C9orf57: variants seen among roughly 807,000 people sequenced by gnomAD.
C9orf57 encodes uncharacterized protein C9orf57.
C9orf57 carries 12 observed loss-of-function variants against 12.9 expected under a neutral mutation model. The observed-to-expected ratio is 0.93, with a 90% CI of 0.60 to 1.51. The LOEUF (loss-of-function observed/expected upper bound fraction) is 1.51. Ranked by LOEUF, C9orf57 falls within the 40% of genes most tolerant of loss-of-function variation. The probability of loss-of-function intolerance (pLI) is 0.00; values close to 1 mark genes in which losing one functional copy is unlikely to be tolerated. For missense variants in C9orf57, 141 were observed against 162.8 expected (o/e 0.87, Z 0.73); for synonymous variants, 49 against 57.1 (o/e 0.86, Z 0.64).
intron 2 of C9orf57, among the ~76,000 whole-genome samples, chr9:72,058,511 AACTGATC>A (rs1435744162): frequency 1.3e-5 from 2 of 152,140 alleles, no homozygotes; most frequent in African/African-American, 2.4e-5. Context: ...AGTGATAGAG[AACTGATC>A]ACCATTAAAA....
chr9:72,053,016 T>G (rs1824112447), intron 4 of C9orf57, among the ~76,000 whole-genome samples: 1 of 152,192 alleles, frequency 6.6e-6, no homozygotes, highest in Non-Finnish European at 1.5e-5. Context: ...AAGGAGCTAT[T>G]CCCCAAAGAC....
chr9:72,058,401 T>A (rs1824252822), intron 2 of C9orf57, among the ~76,000 whole-genome samples: 1 of 152,166 alleles, frequency 6.6e-6, no homozygotes, highest in South Asian at 2.1e-4. Context: ...GCTCAGGCAA[T>A]CTACCTGCCT....
chr9:72,056,844 C>T lies in C9orf57; in HGVS notation c.98-1G>A. 6.5e-7 allele frequency: 1 copy of T among 1,550,084 alleles called. No homozygotes were observed. Among genetic ancestry groups the T allele is most frequent in the South Asian group, 1.2e-5 (1 of 84,014 alleles). On this transcript the variant is annotated splice_acceptor_variant, in intron 2 of 4. Transcript: ENST00000651200. LOFTEE classifies it high-confidence loss of function. ...GGTTTTGTCTGGCAGGTTCCCAGGTCTAAAAGACATCCATGGAAGGGGATT... is the reference window on the plus strand; with the variant it reads ...GGTTTTGTCTGGCAGGTTCCCAGGTTTAAAAGACATCCATGGAAGGGGATT...
rs1824090818 is a variant in C9orf57, at chr9:72,052,015, T to G, written c.*281A>C. On this transcript the variant is annotated 3_prime_UTR_variant, in exon 5 of 5. Coordinates refer to ENST00000651200, the MANE Select transcript of C9orf57 (RefSeq NM_001128618.2). ...GTTTGACTTGGAGAATCACTAACAT[T>G]TTTCCTTCTTTGTAGCCTTGTGGTA... The G allele has an allele frequency of 6.1e-6, 2 of 329,978 alleles. No individual in the cohort carries two copies. The highest frequency in any genetic ancestry group is 1.1e-5 in the Non-Finnish European group (2 of 180,826). The allele number at this position is 329,978 out of a possible 1,614,324, so 20.4% of individuals were successfully genotyped here.
intron 1 of C9orf57, 95 bp from the exon 2 acceptor site, chr9:72,059,479 A>G: frequency 7.3e-7 from 1 of 1,370,632 alleles, no homozygotes; most frequent in Non-Finnish European, 9.8e-7. Flanking sequence ...CAATATAAAT[A>G]AGTTTATTTT....
intron 4 of C9orf57, among the ~76,000 whole-genome samples, chr9:72,054,074 C>T (rs367714944): frequency 6.6e-4 from 101 of 152,356 alleles, no homozygotes; most frequent in Middle Eastern, 3.4e-3. Context: ...TCTTGGCTCA[C>T]CGCAACCTCC....
intron 2 of C9orf57, among the ~76,000 whole-genome samples, chr9:72,058,170 T>C (rs1317435210): frequency 3.9e-5 from 6 of 151,906 alleles, no homozygotes; most frequent in African/African-American, 1.5e-4. Flanking sequence ...GGATCTTTCT[T>C]TTTTTTTAGA....
chr9:72,060,325 G>A (rs1385335471), intron 1 of C9orf57, among the ~76,000 whole-genome samples, 172 bp downstream of exon 1: 8 of 152,214 alleles, frequency 5.3e-5, no homozygotes, highest in Admixed American at 2.0e-4. Context: ...GATTACAGGC[G>A]TGAGCCACCA....
In C9orf57 at chr9:72,059,431, C is replaced by T. The variant is rs757021467; in HGVS notation, c.-53-47G>A. The T allele has an allele frequency of 1.6e-5, 25 of 1,534,106 alleles. No individual in the cohort carries two copies. In the East Asian group the frequency reaches 3.7e-4, roughly 23 times the overall value. Reference sequence around the variant, plus strand: ...ACATTTATGTTAGCTATTTTAAAAACGGAAAGGACTGGTTAAGTTTTATTG... The same window carrying T: ...ACATTTATGTTAGCTATTTTAAAAATGGAAAGGACTGGTTAAGTTTTATTG... On this transcript the variant is annotated intron_variant, in intron 1 of 4. Transcript: ENST00000651200.
At chr9:72,056,591 C>T (rs1348146816) in intron 3 of C9orf57, among the ~76,000 whole-genome samples, 193 bp downstream of exon 3, 2 of 151,934 alleles carry the variant, frequency 1.3e-5, no homozygotes, top group South Asian at 2.1e-4. Flanking sequence ...ATTACTTAAT[C>T]GTTCGTGTCT....
intron 4 of C9orf57, among the ~76,000 whole-genome samples, chr9:72,052,697 T>A (rs113256056): frequency 2.0e-5 from 3 of 152,190 alleles, no homozygotes; most frequent in Non-Finnish European, 4.4e-5. Flanking sequence ...GTAAAAGCCA[T>A]GCAATTGCCA....
In C9orf57 at chr9:72,060,036, T is replaced by G. The variant is rs1254890391; in HGVS notation, c.-54+461A>C. On this transcript the variant is annotated intron_variant, in intron 1 of 4. Coordinates refer to ENST00000651200, the MANE Select transcript of C9orf57 (RefSeq NM_001128618.2). ...AATACACATATTCATTCATGCTCCTTTATGAATTATTATTATTATTATTAT... is the reference window on the plus strand; with the variant it reads ...AATACACATATTCATTCATGCTCCTGTATGAATTATTATTATTATTATTAT... Among the ~76,000 whole-genome samples the G allele has an allele frequency of 3.3e-5, 5 of 151,598 alleles. No homozygotes were observed. The South Asian group carries it at 6.2e-4, about 19-fold the overall frequency.
intron 4 of C9orf57, among the ~76,000 whole-genome samples, chr9:72,054,051 T>C (rs950225196): frequency 1.3e-5 from 2 of 152,176 alleles, no homozygotes; most frequent in Non-Finnish European, 2.9e-5. Flanking sequence ...CATGCTGGAG[T>C]GCAATGGCAT....
Position 72,055,402 on chromosome 9 carries a change from T to C in C9orf57, c.280+672A>G, listed in dbSNP as rs1390257591. Among the ~76,000 whole-genome samples the C allele has an allele frequency of 9.4e-4, 98 of 104,204 alleles. 3 individuals carry two copies. Among genetic ancestry groups the C allele is most frequent in the African/African-American group, 3.3e-3 (82 of 25,000 alleles). 68.4% of individuals were successfully genotyped at this position (104,204 alleles called of 152,430 possible). A position where few individuals can be genotyped will look rare whatever the true frequency, so the allele number is the denominator to read the frequency against. On this transcript the variant is annotated intron_variant, in intron 4 of 4. Transcript: ENST00000651200. ...CTTCCTTCCTTCCTTCCTTCCTTCCTTCCTTCCTTCCTTCCTTCCTTCCTT... is the reference window on the plus strand; with the variant it reads ...CTTCCTTCCTTCCTTCCTTCCTTCCCTCCTTCCTTCCTTCCTTCCTTCCTT...
chr9:72,056,454 C>CT (rs1824204882), intron 3 of C9orf57, among the ~76,000 whole-genome samples: 1 of 151,544 alleles, frequency 6.6e-6, no homozygotes, highest in South Asian at 2.1e-4. Context: ...TTGTGTATTA[C>CT]TTTTTTGTGA....
rs1039483011 is a variant in C9orf57 at position 72,059,437 on chromosome 9, G to A, written c.-53-53C>T. ...ATGTTAGCTATTTTAAAAACGGAAA[G>A]GACTGGTTAAGTTTTATTGATTTCA... On this transcript the variant is annotated intron_variant, in intron 1 of 4. Transcript: ENST00000651200. 2.6e-6 allele frequency: 4 copies of A among 1,522,656 alleles called. No individual in the cohort carries two copies. In the African/African-American group the frequency reaches 4.2e-5, roughly 16 times the overall value. The allele number at this position is 1,522,656 out of a possible 1,614,324, so 94.3% of individuals were successfully genotyped here.
chr9:72,052,291 C>T lies in C9orf57; in HGVS notation c.*5G>A, dbSNP rs1824096799. 6.4e-7 allele frequency: 1 copy of T among 1,551,388 alleles called. No homozygotes were observed. Among genetic ancestry groups the T allele is most frequent in the East Asian group, 2.4e-5 (1 of 40,910 alleles). On this transcript the variant is annotated 3_prime_UTR_variant, in exon 5 of 5. Transcript: ENST00000651200. Reference sequence around the variant, plus strand: ...TGCCAAGCATTTTAGATATGGGCCACTGACTCAGAAATTGCACAAAGAATG... The same window carrying T: ...TGCCAAGCATTTTAGATATGGGCCATTGACTCAGAAATTGCACAAAGAATG...
At chr9:72,053,552 C>T (rs984372560) in intron 4 of C9orf57, among the ~76,000 whole-genome samples, 5 of 152,144 alleles carry the variant, frequency 3.3e-5, no homozygotes, top group Admixed American at 3.3e-4. Context: ...GAAGAGCCAA[C>T]ATCTCATGGG....
At chr9:72,053,334 T>C (rs879234978) in intron 4 of C9orf57, among the ~76,000 whole-genome samples, 2 of 152,200 alleles carry the variant, frequency 1.3e-5, no homozygotes, top group Admixed American at 1.3e-4. Flanking sequence ...GATCAGTTGT[T>C]TGTCTTGCAT....
Sources: gnomAD v4.1 joint callset for allele counts (sites outside exome capture counted in the v4.1 genomes callset) on GRCh38, gnomAD v4.1.1 for gene constraint, MANE v1.5 for transcripts, NCBI Gene and HGNC (gene_info 2026-07-23, HGNC 2026-07-21) for gene names.